Variants in PARN observed in about 807,000 individuals in gnomAD.
PARN encodes the protein poly(A)-specific ribonuclease PARN.
PARN carries 71 observed loss-of-function variants against 102.8 expected under a neutral mutation model. That is an observed-to-expected ratio of 0.69 (90% CI 0.57 to 0.84). The LOEUF (loss-of-function observed/expected upper bound fraction) is 0.84. Among genes scored for constraint, PARN ranks in the 40% least tolerant of loss-of-function variants. The pLI is 0.00. For synonymous variants in PARN, 261 were observed against 252.9 expected (o/e 1.03, Z -0.30); for missense variants, 782 against 760.9 (o/e 1.03, Z -0.33).
intron 5 of PARN, among the ~76,000 whole-genome samples, chr16:14,621,101 T>C (rs1972267535): frequency 6.6e-6 from 1 of 152,054 alleles, no homozygotes; most frequent in Non-Finnish European, 1.5e-5. Context: ...CTTTTATACT[T>C]TACAACAAGC....
At chr16:14,483,961 C>T (rs1406426874) in intron 21 of PARN, among the ~76,000 whole-genome samples, 2 of 152,164 alleles carry the variant, frequency 1.3e-5, no homozygotes, top group Non-Finnish European at 2.9e-5. Flanking sequence ...GTACACTGCA[C>T]CCAGTGTGCA....
intron 21 of PARN, among the ~76,000 whole-genome samples, chr16:14,516,832 C>T (rs776057147): frequency 2.6e-5 from 4 of 152,142 alleles, no homozygotes; most frequent in Non-Finnish European, 4.4e-5. Context: ...TAAGCGTTAG[C>T]ATAGAGTATA....
chr16:14,568,090 A>G (rs553830026), intron 18 of PARN, among the ~76,000 whole-genome samples: 3 of 152,338 alleles, frequency 2.0e-5, no homozygotes, highest in Middle Eastern at 6.8e-3. Flanking sequence ...CATAAAATGA[A>G]GACCTACCCA....
chr16:14,567,189 A>T (rs1968484818), intron 18 of PARN, among the ~76,000 whole-genome samples: 2 of 152,248 alleles, frequency 1.3e-5, no homozygotes, highest in African/African-American at 4.8e-5. Flanking sequence ...CTTTGGTTAA[A>T]GTATGTGAGG....
At chr16:14,539,503 A>G (rs1254748253) in intron 21 of PARN, among the ~76,000 whole-genome samples, 1 of 152,262 alleles carries the variant, frequency 6.6e-6, no homozygotes, top group African/African-American at 2.4e-5. Context: ...TTCGTAGCAG[A>G]GATACATAAG....
intron 21 of PARN, among the ~76,000 whole-genome samples, chr16:14,490,810 T>C (rs936481192): frequency 1.3e-5 from 2 of 152,152 alleles, no homozygotes; most frequent in East Asian, 3.8e-4. Context: ...TCCATAAAGT[T>C]TGATCAAGTT....
chr16:14,485,436 C>A (rs1371425874), intron 21 of PARN, among the ~76,000 whole-genome samples: 1 of 152,126 alleles, frequency 6.6e-6, no homozygotes, highest in Non-Finnish European at 1.5e-5. Context: ...TTTGGTAAAT[C>A]AAGACACAAT....
At chr16:14,446,044 A>G (rs1418258093) in intron 23 of PARN, among the ~76,000 whole-genome samples, 2 of 152,204 alleles carry the variant, frequency 1.3e-5, no homozygotes, top group African/African-American at 2.4e-5. Context: ...AGCACTCAAT[A>G]AGCAGTGGCT....
chr16:14,623,131 G>C (rs1181728974), intron 5 of PARN, among the ~76,000 whole-genome samples: 2 of 151,768 alleles, frequency 1.3e-5, no homozygotes, highest in African/African-American at 4.8e-5. Context: ...ATGTATGTGT[G>C]TCTAGGCATA....
intron 18 of PARN, among the ~76,000 whole-genome samples, chr16:14,557,374 T>A (rs184198492): frequency 3.2e-4 from 49 of 151,488 alleles, no homozygotes; most frequent in African/African-American, 1.0e-3. Flanking sequence ...CTGGCCAACA[T>A]GGTGAAATCC....
At position 14,482,816 on chromosome 16, in the gene PARN, T is replaced by C; in HGVS notation, c.1492A>G (p.Ser498Gly). The change falls in exon 22 of 24, where the codon AGC (serine) becomes GGC (glycine). Residue 498 changes from serine (S) to glycine (G), a missense_variant. Transcript: ENST00000437198. ...ATCCGATAGCTTTCTGCATATTTGC[T>C]GGTATTGACAGCTACAAGGAAAAGA... ...PEQVKIAVNT[S>G]KYAESYRIQT... 1 of 1,607,980 alleles carries C rather than the reference T, an allele frequency of 6.2e-7. No homozygotes were observed.
At chr16:14,442,387 T>G (rs1179191731) in intron 23 of PARN, among the ~76,000 whole-genome samples, 2 of 152,174 alleles carry the variant, frequency 1.3e-5, no homozygotes, top group Admixed American at 6.5e-5. Context: ...GTACCGAGTA[T>G]GTACCTAGAA....
intron 13 of PARN, among the ~76,000 whole-genome samples, chr16:14,588,346 A>G (rs1445342814): frequency 6.6e-6 from 1 of 152,350 alleles, no homozygotes; most frequent in East Asian, 1.9e-4. Flanking sequence ...ATGGGTAAAA[A>G]TAGTCAACTG....
intron 22 of PARN, among the ~76,000 whole-genome samples, chr16:14,478,811 C>T (rs1263424247): frequency 6.6e-6 from 1 of 152,150 alleles, no homozygotes; most frequent in Non-Finnish European, 1.5e-5. Context: ...GATGAAGTCT[C>T]GCTCTTGTCC....
chr16:14,493,712 T>A (rs1205245122), intron 21 of PARN, among the ~76,000 whole-genome samples: 1 of 152,124 alleles, frequency 6.6e-6, no homozygotes, highest in Non-Finnish European at 1.5e-5. Context: ...AAGGCGACAA[T>A]AAATACAAGC....
chr16:14,624,676 T>C (rs1464563285), intron 5 of PARN, among the ~76,000 whole-genome samples: 2 of 152,236 alleles, frequency 1.3e-5, no homozygotes, highest in Non-Finnish European at 2.9e-5. Flanking sequence ...CCTAGCACTT[T>C]GGGAGGCCAA....
chr16:14,535,142 T>G (rs1966557586), intron 21 of PARN, among the ~76,000 whole-genome samples: 1 of 152,198 alleles, frequency 6.6e-6, no homozygotes, highest in Non-Finnish European at 1.5e-5. Context: ...GCTAAATAAC[T>G]ATTTTAAGTC....
intron 22 of PARN, among the ~76,000 whole-genome samples, chr16:14,460,653 C>G (rs1961914684): frequency 1.3e-5 from 2 of 152,134 alleles, no homozygotes; most frequent in South Asian, 4.1e-4. Flanking sequence ...AACAAACATA[C>G]AAAAGGTAAA....
rs546036483 is a variant in PARN at position 14,538,527 on chromosome 16, T to C, written c.1480+13494A>G. On this transcript the variant is annotated intron_variant, in intron 21 of 23. Coordinates refer to ENST00000437198, the MANE Select transcript of PARN (RefSeq NM_002582.4). ...TCAGCCACCACGCCTGGCCTTTTTT[T>C]CACATTTTCAATGAGATTGATGTAC... Among the ~76,000 whole-genome samples, 181 of 152,286 alleles carry C rather than the reference T, an allele frequency of 1.2e-3. 1 individual carries two copies. The highest frequency in any genetic ancestry group is 3.9e-3 in the African/African-American group (163 of 41,572).
Sources: allele counts gnomAD v4.1 joint callset (sites outside exome capture counted in the v4.1 genomes callset), GRCh38; gene constraint gnomAD v4.1.1; transcripts MANE v1.5; gene names NCBI Gene and HGNC (gene_info 2026-07-23, HGNC 2026-07-21).